Variants in HGSNAT observed in about 807,000 individuals in gnomAD.
The protein encoded by HGSNAT is transmembrane protein 76.
In HGSNAT, 59 loss-of-function variants were observed where a neutral mutation model predicts 85.2. That is an observed-to-expected ratio of 0.69 (90% CI 0.56 to 0.86). The LOEUF is 0.86. HGSNAT is among the 40% of genes least tolerant of loss of function. HGSNAT has a pLI of 0.00. For synonymous variants in HGSNAT, 321 were observed against 304.5 expected, an observed-to-expected ratio of 1.05 and a Z score of -0.56; for missense variants, 756 against 777.1, an observed-to-expected ratio of 0.97 and a Z score of 0.32.
chr8:43,192,326 A>G lies in HGSNAT; in HGVS notation c.1273A>G (p.Ile425Val). Residue 425 changes from isoleucine to valine, a missense_variant, in exon 13 of 18, where the codon ATT becomes GTT. Coordinates refer to ENST00000379644, the MANE Select transcript of HGSNAT (RefSeq NM_152419.3). ...CPTGYLGPGG[I>V]GDFGKYPNCT... ...TAGTGGTTATCTTGGTCCTGGGGGC[A>G]TTGGAGATTTTGGCAAGTATCCAAA... 6.2e-7 allele frequency: 1 copy of G among 1,609,692 alleles called. No individual in the cohort carries two copies. Among genetic ancestry groups the G allele is most frequent in the Non-Finnish European group, 8.5e-7 (1 of 1,178,348 alleles).
At chr8:43,150,707 T>G (rs762112397) in intron 2 of HGSNAT, among the ~76,000 whole-genome samples, 10 of 151,862 alleles carry the variant, frequency 6.6e-5, no homozygotes, top group Non-Finnish European at 8.8e-5. Context: ...GGTGGTGGGC[T>G]CCTGTAGTCC....
At chr8:43,192,119 G>A (rs1260848193) in intron 12 of HGSNAT, among the ~76,000 whole-genome samples, 185 bp from the exon 13 acceptor site, 1 of 152,074 alleles carries the variant, frequency 6.6e-6, no homozygotes, top group Admixed American at 6.6e-5. Context: ...ATAGAGACGG[G>A]GTTTCACCAT....
At chr8:43,170,762 C>A in intron 7 of HGSNAT, 68 bp downstream of exon 7, 1 of 949,118 alleles carries the variant, frequency 1.1e-6, no homozygotes, top group Non-Finnish European at 1.6e-6. Context: ...TACATACACA[C>A]ACTTTTAGCT....
Position 43,178,362 on chromosome 8 carries a change from T to C in HGSNAT, c.1012+128T>C, listed in dbSNP as rs138656914. Reference sequence around the variant, plus strand: ...ATAGAATAATCATTAGGAAAGTATATACAATGGTTGTCTAACTGTGAGCAT... The same window carrying C: ...ATAGAATAATCATTAGGAAAGTATACACAATGGTTGTCTAACTGTGAGCAT... On this transcript the variant is annotated intron_variant, in intron 10 of 17. Coordinates refer to ENST00000379644, the MANE Select transcript of HGSNAT (RefSeq NM_152419.3). The C allele has an allele frequency of 1.2e-4, 78 of 640,474 alleles. No homozygotes were observed. The East Asian group carries it at 1.6e-3, about 13-fold the overall frequency. The allele number at this position is 640,474 out of a possible 1,614,324, so 39.7% of individuals were successfully genotyped here.
At position 43,170,667 on chromosome 8, in the gene HGSNAT, G is replaced by A. The variant is rs1037769576; in HGVS notation, c.716G>A (p.Arg239His). 11 of 1,605,126 alleles carry A rather than the reference G, an allele frequency of 6.9e-6. No individual in the cohort carries two copies. Among genetic ancestry groups the A allele is most frequent in the East Asian group, 6.7e-5 (3 of 44,660 alleles). The change falls in exon 7 of 18, where the codon CGC (arginine) becomes CAC (histidine). Residue 239 changes from arginine (R) to histidine (H), a missense_variant. Transcript: ENST00000379644. ...TGGCGTCTATCTGCCCTGCCGCCCCGCCTCCGCAGCGTGGACACCTTCAGG... is the reference window on the plus strand; with the variant it reads ...TGGCGTCTATCTGCCCTGCCGCCCCACCTCCGCAGCGTGGACACCTTCAGG... ...ATWRLSALPP[R>H]LRSVDTFRGI...
rs139622580 is a variant in HGSNAT at position 43,149,391 on chromosome 8, A to C, written c.234+2328A>C. Among the ~76,000 whole-genome samples the C allele has an allele frequency of 2.5e-3, 383 of 152,232 alleles. 2 individuals are homozygous for C. The highest frequency in any genetic ancestry group is 0.011 in the South Asian group (53 of 4,828). On this transcript the variant is annotated intron_variant, in intron 2 of 17. Coordinates refer to ENST00000379644, the MANE Select transcript of HGSNAT (RefSeq NM_152419.3). ...TAGACATAAACTTTTAAATTTTGAA[A>C]TTTAATGATAATTTTTAAAATTTTA...
intron 11 of HGSNAT, among the ~76,000 whole-genome samples, chr8:43,188,171 T>C (rs1003931453): frequency 6.6e-6 from 1 of 152,216 alleles, no homozygotes; most frequent in African/African-American, 2.4e-5. Context: ...CTGTATTTCC[T>C]GAATTTGAAT....
At position 43,202,554 on chromosome 8, in the gene HGSNAT, AG is replaced by A. The variant is rs1804949809; in HGVS notation, c.*2986del. 1 of 152,214 alleles carries A rather than the reference AG, an allele frequency of 6.6e-6. No individual in the cohort carries two copies. The highest frequency in any genetic ancestry group is 6.5e-5 in the Admixed American group (1 of 15,284). The allele number at this position is 152,214 out of a possible 1,614,324, so 9.4% of individuals were successfully genotyped here. On this transcript the variant is annotated 3_prime_UTR_variant, in exon 18 of 18. Coordinates refer to ENST00000379644, the MANE Select transcript of HGSNAT (RefSeq NM_152419.3). The stretch of plus-strand genomic sequence containing the variant: ...GGAGGTGCGAGCTCCTAAGTAATGG[AG>A]CAAAAAAATTCTATTCTGTAGAATG...
chr8:43,156,396 C>A (rs924050932), intron 2 of HGSNAT, among the ~76,000 whole-genome samples: 17 of 152,060 alleles, frequency 1.1e-4, no homozygotes, highest in East Asian at 3.9e-4. Context: ...ACCTCCACCC[C>A]CTGGGTTCAA....
Position 43,140,502 on chromosome 8 carries a change from CG to C in HGSNAT, c.10del (p.Ala4ArgfsTer15). 2 of 1,040,668 alleles carry C rather than the reference CG, an allele frequency of 1.9e-6. No homozygotes were observed. Among genetic ancestry groups the C allele is most frequent in the Non-Finnish European group, 2.3e-6 (2 of 867,864 alleles). The allele number at this position is 1,040,668 out of a possible 1,614,324, so 64.5% of individuals were successfully genotyped here. MS[G>X]AGRALAALLL... ...CGGCCGAGCGGGCGGCGGGCATGAG[CG>C]GGGCGGGCAGGGCGCTGGCCGCGCT... On this transcript the variant is annotated frameshift_variant, in exon 1 of 18. Coordinates refer to ENST00000379644, the MANE Select transcript of HGSNAT (RefSeq NM_152419.3). LOFTEE classifies it high-confidence loss of function.
chr8:43,175,306 T>C (rs1446517590), intron 9 of HGSNAT, among the ~76,000 whole-genome samples: 2 of 152,320 alleles, frequency 1.3e-5, no homozygotes, highest in Non-Finnish European at 2.9e-5. Flanking sequence ...TCTAACCTAT[T>C]GTCCATGGTG....
intron 11 of HGSNAT, 48 bp downstream of exon 11, chr8:43,182,308 A>G: frequency 7.1e-7 from 1 of 1,409,840 alleles, no homozygotes; most frequent in Non-Finnish European, 1.0e-6. Context: ...AAATTAAAAA[A>G]AATGTATTGT....
chr8:43,143,789 A>G (rs547655082), intron 1 of HGSNAT, among the ~76,000 whole-genome samples: 1 of 148,200 alleles, frequency 6.7e-6, no homozygotes, highest in East Asian at 2.0e-4. Context: ...CTCATGATCC[A>G]CCCTCCTTAG....
At chr8:43,189,383 A>G (rs1001131904) in intron 11 of HGSNAT, among the ~76,000 whole-genome samples, 5 of 152,024 alleles carry the variant, frequency 3.3e-5, no homozygotes, top group African/African-American at 4.8e-5. Context: ...TTGATCTCAG[A>G]CTGCTGTGCT....
At chr8:43,142,439 T>C (rs1802580279) in intron 1 of HGSNAT, among the ~76,000 whole-genome samples, 2 of 152,172 alleles carry the variant, frequency 1.3e-5, no homozygotes, top group South Asian at 4.1e-4. Flanking sequence ...AATTGGGTCC[T>C]TTGGTCGTGT....
intron 11 of HGSNAT, among the ~76,000 whole-genome samples, chr8:43,189,620 G>A (rs888783181): frequency 1.3e-5 from 2 of 152,172 alleles, no homozygotes; most frequent in Admixed American, 1.3e-4. Flanking sequence ...TGTACCCACT[G>A]TCTGACAAGC....
chr8:43,182,322 G>A (rs1478880528), intron 11 of HGSNAT, 62 bp downstream of exon 11: 1 of 1,273,376 alleles, frequency 7.9e-7, no homozygotes, highest in Admixed American at 1.7e-5. Flanking sequence ...GTATTGTGTG[G>A]TGATACGGTC....
At chr8:43,172,782 G>A (rs1302242467) in intron 8 of HGSNAT, among the ~76,000 whole-genome samples, 2 of 152,202 alleles carry the variant, frequency 1.3e-5, no homozygotes, top group Non-Finnish European at 2.9e-5. Context: ...AGATGGCGTT[G>A]AACTAGGATT....
intron 10 of HGSNAT, among the ~76,000 whole-genome samples, chr8:43,179,560 C>A (rs1285104648): frequency 8.2e-6 from 1 of 122,490 alleles, no homozygotes; most frequent in African/African-American, 3.4e-5. Flanking sequence ...CCCTCCCGGA[C>A]GGGGCGGCTG....
Sources: gnomAD v4.1 joint callset for allele counts (sites outside exome capture counted in the v4.1 genomes callset) on GRCh38, gnomAD v4.1.1 for gene constraint, MANE v1.5 for transcripts, NCBI Gene and HGNC (gene_info 2026-07-23, HGNC 2026-07-21) for gene names.